LIFR: variants seen among roughly 807,000 people sequenced by gnomAD.
The protein encoded by LIFR is leukemia inhibitory factor receptor.
In LIFR, 84 loss-of-function variants were observed where a neutral mutation model predicts 122.2. The ratio of observed to expected loss-of-function variants is 0.69; its 90% CI spans 0.58 to 0.82. The LOEUF (loss-of-function observed/expected upper bound fraction) is 0.82, where lower values mean the gene tolerates loss of function less well. LIFR is among the 40% of genes least tolerant of loss of function. The pLI is 0.00. For missense variants in LIFR, 1,294 were observed against 1,311.6 expected (o/e 0.99, Z 0.21); for synonymous variants, 422 against 434.7 (o/e 0.97, Z 0.36).
intron 1 of LIFR, among the ~76,000 whole-genome samples, chr5:38,578,449 G>A (rs1048600870): frequency 8.6e-5 from 13 of 151,596 alleles, no homozygotes; most frequent in South Asian, 8.3e-4. Flanking sequence ...CAGGTGACCC[G>A]CCTGCCTTGG....
intron 1 of LIFR, among the ~76,000 whole-genome samples, chr5:38,572,739 C>T (rs1441457845): frequency 6.6e-6 from 1 of 152,160 alleles, no homozygotes; most frequent in Non-Finnish European, 1.5e-5. Flanking sequence ...ACAATAGCTA[C>T]CCCTTAATAG....
chr5:38,550,695 AG>A (rs1748153930), intron 1 of LIFR, among the ~76,000 whole-genome samples: 1 of 152,202 alleles, frequency 6.6e-6, no homozygotes, highest in African/African-American at 2.4e-5. Flanking sequence ...TTCTAATGCT[AG>A]GGACACGGTG....
At chr5:38,499,989 C>G (rs915370228) in intron 11 of LIFR, among the ~76,000 whole-genome samples, 6 of 152,264 alleles carry the variant, frequency 3.9e-5, no homozygotes, top group Admixed American at 3.9e-4. Context: ...ATATGGCATG[C>G]TTCCTGATCT....
chr5:38,575,729 AC>A (rs1371510214), intron 1 of LIFR, among the ~76,000 whole-genome samples: 1 of 151,764 alleles, frequency 6.6e-6, no homozygotes, highest in African/African-American at 2.4e-5. Flanking sequence ...CTGGTTTCCC[AC>A]CTCTCATATC....
intron 1 of LIFR, among the ~76,000 whole-genome samples, chr5:38,551,412 TCTACATCTCACTGC>T (rs1416336892): frequency 6.6e-6 from 1 of 152,208 alleles, no homozygotes; most frequent in Non-Finnish European, 1.5e-5. Context: ...CTGCCTGAAG[TCTACATCTCACTGC>T]CCCATTAGCA....
chr5:38,513,554 A>T (rs1461771785), intron 5 of LIFR, among the ~76,000 whole-genome samples: 1 of 152,224 alleles, frequency 6.6e-6, no homozygotes, highest in Non-Finnish European at 1.5e-5. Flanking sequence ...GAGAATGGGG[A>T]CTATCATTCC....
chr5:38,594,773 G>A (rs1297654474), intron 1 of LIFR: 1 of 179,686 alleles, frequency 5.6e-6, no homozygotes, highest in Non-Finnish European at 1.2e-5. Flanking sequence ...ATAATCTAAT[G>A]TAGTTATATG....
chr5:38,555,604 A>G (rs1054386927), intron 1 of LIFR, among the ~76,000 whole-genome samples: 1 of 152,218 alleles, frequency 6.6e-6, no homozygotes, highest in Non-Finnish European at 1.5e-5. Context: ...ATGCCACTCA[A>G]TAACAATACA....
At chr5:38,557,384 A>G (rs1342949440), upstream of LIFR, 3 of 154,018 alleles carry the variant, frequency 1.9e-5, no homozygotes, top group East Asian at 3.8e-4. Flanking sequence ...CAGAGTAATC[A>G]CCAAATGAAA....
chr5:38,509,569 G>A (rs1209221990), intron 7 of LIFR, among the ~76,000 whole-genome samples: 1 of 152,004 alleles, frequency 6.6e-6, no homozygotes, highest in African/African-American at 2.4e-5. Flanking sequence ...ATCATAAAAA[G>A]AAAGAAAGAA....
Position 38,510,520 on chromosome 5 carries a change from G to A in LIFR, c.935C>T (p.Thr312Ile). 1 of 1,613,724 alleles carries A rather than the reference G, an allele frequency of 6.2e-7. No individual in the cohort carries two copies. The highest frequency in any genetic ancestry group is 8.5e-7 in the Non-Finnish European group (1 of 1,179,772). ...RNISVSASSG[T>I]NVVFTTEDNI... ...ATCTTCGGTTGTAAAAACTACATTT[G>A]TTCCACTACTTGCAGAAACAGAAAT... is the stretch of plus-strand genomic sequence containing the variant. The change falls in exon 7 of 20, where the codon ACA becomes ATA. Residue 312 changes from threonine (T) to isoleucine (I), a missense_variant. Transcript: ENST00000453190.
rs188281924 is a variant in LIFR, at chr5:38,513,224, G to A, written c.562-1260C>T. ...AAAATCTGGAAGCTGGAAAGCAGAT[G>A]GATAATGGTAACTGATGTAGAAGAC... On this transcript the variant is annotated intron_variant, in intron 5 of 19. Coordinates refer to ENST00000453190, the MANE Select transcript of LIFR (RefSeq NM_001127671.2). 4.9e-3 allele frequency among the ~76,000 whole-genome samples: 748 copies of A among 152,256 alleles called. 15 individuals carry two copies. The highest frequency in any genetic ancestry group is 0.042 in the Admixed American group (646 of 15,296).
At chr5:38,570,989 C>T (rs1388892592) in intron 1 of LIFR, among the ~76,000 whole-genome samples, 2 of 152,110 alleles carry the variant, frequency 1.3e-5, no homozygotes, top group Admixed American at 6.5e-5. Context: ...CTTTTATGTA[C>T]GAAGCACTGA....
At position 38,485,805 on chromosome 5, in the gene LIFR, A is replaced by T. The variant is rs541984532; in HGVS notation, c.2497+14T>A. On this transcript the variant is annotated intron_variant, in intron 17 of 19. Coordinates refer to ENST00000453190, the MANE Select transcript of LIFR (RefSeq NM_001127671.2). ...GCAGGATGGAAAGCACCTCAACAGC[A>T]ACCTGAAACTTACAATTTTCCTTTG... 9 of 1,613,990 alleles carry T rather than the reference A, an allele frequency of 5.6e-6. No individual in the cohort carries two copies. The highest frequency in any genetic ancestry group is 7.6e-6 in the Non-Finnish European group (9 of 1,179,884).
intron 17 of LIFR, among the ~76,000 whole-genome samples, 175 bp from the exon 18 acceptor site, chr5:38,485,043 T>A (rs1744209209): frequency 6.6e-6 from 1 of 152,360 alleles, no homozygotes; most frequent in East Asian, 1.9e-4. Flanking sequence ...TGATAATTTT[T>A]ATACAAATAC....
rs917194276 is a variant in LIFR at position 38,530,369 on chromosome 5, T to C, written c.142+137A>G. 5.9e-5 allele frequency: 40 copies of C among 675,790 alleles called. No homozygotes were observed. In the Middle Eastern group the frequency reaches 1.2e-3, roughly 20 times the overall value. The allele number at this position is 675,790 out of a possible 1,614,324, so 41.9% of individuals were successfully genotyped here. On this transcript the variant is annotated intron_variant, in intron 2 of 19. Coordinates refer to ENST00000453190, the MANE Select transcript of LIFR (RefSeq NM_001127671.2). ...CTTTTTAAAAGAAACTAAAAGTACA[T>C]AGAAAAAAGATGACAAAAAAAATGA...
intron 5 of LIFR, among the ~76,000 whole-genome samples, chr5:38,521,794 T>C (rs1746414180): frequency 6.6e-6 from 1 of 152,088 alleles, no homozygotes; most frequent in Admixed American, 6.5e-5. Flanking sequence ...GCAGGTAGCA[T>C]GTGCAGTAGG....
At chr5:38,499,427 C>T in intron 12 of LIFR, 86 bp downstream of exon 12, 1 of 929,340 alleles carries the variant, frequency 1.1e-6, no homozygotes. Flanking sequence ...TGGGAAGTTT[C>T]AGCTCCTTGA....
At chr5:38,562,913 AT>A (rs1748887957) in intron 1 of LIFR, among the ~76,000 whole-genome samples, 1 of 152,232 alleles carries the variant, frequency 6.6e-6, no homozygotes, top group Admixed American at 6.5e-5. Context: ...TAGCTGAAAA[AT>A]AACTAGTCAG....
Sources: allele counts gnomAD v4.1 joint callset (sites outside exome capture counted in the v4.1 genomes callset), GRCh38; gene constraint gnomAD v4.1.1; transcripts MANE v1.5; gene names NCBI Gene and HGNC (gene_info 2026-07-23, HGNC 2026-07-21).